SIDT1: variants seen among roughly 807,000 people sequenced by gnomAD.
SIDT1 encodes SID1 transmembrane family member 1.
SIDT1 carries 101 observed loss-of-function variants against 107.5 expected under a neutral mutation model. That is an observed-to-expected ratio of 0.94 (90% CI 0.80 to 1.11). The LOEUF is 1.11. SIDT1 is among the 50% of genes least tolerant of loss of function. The probability of loss-of-function intolerance (pLI) is 0.00; values close to 1 mark genes in which losing one functional copy is unlikely to be tolerated. For missense variants in SIDT1, 1,076 were observed against 1,058.2 expected, an observed-to-expected ratio of 1.02 and a Z score of -0.23; for synonymous variants, 395 against 398.2, an observed-to-expected ratio of 0.99 and a Z score of 0.10.
At chr3:113,580,888 T>C (rs116294533) in intron 5 of SIDT1, among the ~76,000 whole-genome samples, 179 bp downstream of exon 5, 107 of 152,244 alleles carry the variant, frequency 7.0e-4, no homozygotes, top group African/African-American at 2.6e-3. Context: ...AGACACTAAT[T>C]TGGAGTGGTA....
intron 10 of SIDT1, among the ~76,000 whole-genome samples, chr3:113,596,524 C>T (rs944336487): frequency 6.6e-6 from 1 of 152,180 alleles, no homozygotes; most frequent in Non-Finnish European, 1.5e-5. Context: ...CAAAGAGCTG[C>T]TCCAGGGGAC....
At chr3:113,606,041 C>T (rs899482070) in intron 14 of SIDT1, among the ~76,000 whole-genome samples, 23 of 144,336 alleles carry the variant, frequency 1.6e-4, no homozygotes, top group African/African-American at 5.9e-4. Context: ...AAAAAAAAAG[C>T]TTCATGAAAC....
At position 113,533,010 on chromosome 3, in the gene SIDT1, G is replaced by A. The variant is rs1246930639; in HGVS notation, c.-12G>A. 1 of 1,347,994 alleles carries A rather than the reference G, an allele frequency of 7.4e-7. No homozygotes were observed. The highest frequency in any genetic ancestry group is 9.5e-7 in the Non-Finnish European group (1 of 1,053,442). 83.5% of individuals were successfully genotyped at this position (1,347,994 alleles called of 1,614,324 possible). ...GGTGGCTCCGCTTTCGAGCCCGGGCGCGGTGCCCACCATGCGCGGCTGCCT... is the reference window on the plus strand; with the variant it reads ...GGTGGCTCCGCTTTCGAGCCCGGGCACGGTGCCCACCATGCGCGGCTGCCT... On this transcript the variant is annotated 5_prime_UTR_variant, in exon 1 of 25. Transcript: ENST00000264852.
chr3:113,623,624 TC>T lies in SIDT1; in HGVS notation c.2200del (p.Arg734AlafsTer19). ...CCGCATCTGCTTCTCCTCCCACAGCTCCGCAGCTCTGAAAAGGTCCTCCCAG... is the reference window on the plus strand; with the variant it reads ...CCGCATCTGCTTCTCCTCCCACAGCTCGCAGCTCTGAAAAGGTCCTCCCAG... Reference protein sequence around the residue: ...LYLAFYIIMKLRSSEKVLPVP... With the variant: ...LYLAFYIIMKXRSSEKVLPVP... On this transcript the variant is annotated frameshift_variant and splice_region_variant, in exon 23 of 25. Coordinates refer to ENST00000264852, the MANE Select transcript of SIDT1 (RefSeq NM_017699.3). LOFTEE classifies it high-confidence loss of function. The T allele has an allele frequency of 6.2e-7, 1 of 1,613,044 alleles. No individual in the cohort carries two copies. Among genetic ancestry groups the T allele is most frequent in the Non-Finnish European group, 8.5e-7 (1 of 1,179,070 alleles).
chr3:113,599,891 A>G (rs1165670853), intron 10 of SIDT1, among the ~76,000 whole-genome samples: 1 of 152,192 alleles, frequency 6.6e-6, no homozygotes, highest in African/African-American at 2.4e-5. Context: ...TGCTCTTATA[A>G]CAACAAAAAA....
At chr3:113,552,273 A>G (rs1049376890) in intron 1 of SIDT1, among the ~76,000 whole-genome samples, 5 of 152,126 alleles carry the variant, frequency 3.3e-5, no homozygotes, top group Non-Finnish European at 7.4e-5. Context: ...AGAGTCAGAC[A>G]ATGTTCCTCT....
chr3:113,584,525 T>A (rs1485686410), intron 7 of SIDT1, among the ~76,000 whole-genome samples, 173 bp from the exon 8 acceptor site: 2 of 152,204 alleles, frequency 1.3e-5, no homozygotes, highest in Non-Finnish European at 2.9e-5. Context: ...AAAAGGGATT[T>A]CTGATGGTTT....
At position 113,627,682 on chromosome 3, in the gene SIDT1, C is replaced by T. The variant is rs144938685; in HGVS notation, c.2458C>T (p.Arg820Trp). 25 of 1,613,806 alleles carry T rather than the reference C, an allele frequency of 1.5e-5. No homozygotes were observed. Among genetic ancestry groups the T allele is most frequent in the South Asian group, 5.5e-5 (5 of 91,052 alleles). The change falls in exon 25 of 25, where the codon CGG becomes TGG. Residue 820 changes from arginine to tryptophan, a missense_variant. Arg to Trp is a moderately radical substitution (Grantham distance 101, BLOSUM62 -3). Coordinates refer to ENST00000264852, the MANE Select transcript of SIDT1 (RefSeq NM_017699.3). ...LTLDDDLDVV[R>W]RDQIPVF is the part of the protein sequence containing the mutation. ...TTTGGATGATGACCTTGATGTGGTT[C>T]GGAGAGACCAGATCCCTGTCTTCTG...
chr3:113,588,338 A>T lies in SIDT1; in HGVS notation c.1001+3068A>T, dbSNP rs190420681. On this transcript the variant is annotated intron_variant, in intron 9 of 24. Coordinates refer to ENST00000264852, the MANE Select transcript of SIDT1 (RefSeq NM_017699.3). ...ATAGAAGAATAGACTGAGGAAAAAA[A>T]TGCTAATAGGAGAACTTTTCCTTCA... Among the ~76,000 whole-genome samples, 1,455 of 152,364 alleles carry T rather than the reference A, an allele frequency of 9.5e-3. 53 individuals are homozygous for T. The highest frequency in any genetic ancestry group is 6.8e-3 in the Non-Finnish European group (466 of 68,030).
chr3:113,608,406 T>C lies in SIDT1; in HGVS notation c.1603-13T>C. 6.3e-7 allele frequency: 1 copy of C among 1,590,540 alleles called. No individual in the cohort carries two copies. Among genetic ancestry groups the C allele is most frequent in the African/African-American group, 1.3e-5 (1 of 74,540 alleles). On this transcript the variant is annotated splice_polypyrimidine_tract_variant and intron_variant, in intron 16 of 24. Coordinates refer to ENST00000264852, the MANE Select transcript of SIDT1 (RefSeq NM_017699.3). ...TATTTAGTATCTATTGACCACCCTT[T>C]CTCCTTTTTCAGGAGTACGGGATTC...
chr3:113,550,516 T>G (rs1406845156), intron 1 of SIDT1, among the ~76,000 whole-genome samples: 2 of 152,186 alleles, frequency 1.3e-5, no homozygotes, highest in Admixed American at 1.3e-4. Context: ...TGTATTGATG[T>G]CATGTGCCAT....
chr3:113,553,686 C>G (rs991218690), intron 1 of SIDT1, among the ~76,000 whole-genome samples: 6 of 152,190 alleles, frequency 3.9e-5, no homozygotes, highest in Non-Finnish European at 1.5e-5. Context: ...CCAACCCAGG[C>G]TGTTGGCTGC....
At chr3:113,591,334 A>G (rs72952614) in intron 9 of SIDT1, among the ~76,000 whole-genome samples, 1 of 152,192 alleles carries the variant, frequency 6.6e-6, no homozygotes, top group South Asian at 2.1e-4. Context: ...CAGCAGCAGT[A>G]GGAAACTAAT....
Position 113,541,422 on chromosome 3 carries a change from G to A in SIDT1, c.222+8179G>A, listed in dbSNP as rs200414758. Among the ~76,000 whole-genome samples, 33 of 152,170 alleles carry A rather than the reference G, an allele frequency of 2.2e-4. No individual in the cohort carries two copies. The East Asian group carries it at 4.2e-3, about 20-fold the overall frequency. ...TGAGCACAAGTGATCCGCCCACCTC[G>A]GTCTTCCAAAGTGCTGAGATTACAG... On this transcript the variant is annotated intron_variant, in intron 1 of 24. Transcript: ENST00000264852.
At chr3:113,580,867 A>G (rs1031449536) in intron 5 of SIDT1, among the ~76,000 whole-genome samples, 158 bp downstream of exon 5, 1 of 152,224 alleles carries the variant, frequency 6.6e-6, no homozygotes, top group Admixed American at 6.5e-5. Flanking sequence ...GAGTGGGCAG[A>G]CTGTGTTTGC....
Position 113,623,474 on chromosome 3 carries a change from T to C in SIDT1, c.2138T>C (p.Met713Thr). 2 of 1,614,176 alleles carry C rather than the reference T, an allele frequency of 1.2e-6. No individual in the cohort carries two copies. Among genetic ancestry groups the C allele is most frequent in the Non-Finnish European group, 1.7e-6 (2 of 1,180,026 alleles). Residue 713 changes from methionine to threonine, a missense_variant, in exon 22 of 25, where the codon ATG becomes ACG. Met to Thr is a moderately conservative substitution (Grantham distance 81, BLOSUM62 -1). Coordinates refer to ENST00000264852, the MANE Select transcript of SIDT1 (RefSeq NM_017699.3). ...IYRPRDFASY[M>T]LGIFICNLLL... ...CGCCCCAGGGACTTTGCTTCCTACA[T>C]GCTGGGCATCTTCATCTGTAACCTT...
intron 7 of SIDT1, 94 bp downstream of exon 7, chr3:113,583,590 C>A: frequency 1.1e-6 from 1 of 871,004 alleles, no homozygotes; most frequent in Non-Finnish European, 1.7e-6. Context: ...TCCCACTAAA[C>A]AAGGGTTGGT....
chr3:113,593,218 T>C (rs1216917339), intron 10 of SIDT1, among the ~76,000 whole-genome samples, 170 bp downstream of exon 10: 1 of 152,180 alleles, frequency 6.6e-6, no homozygotes, highest in Non-Finnish European at 1.5e-5. Flanking sequence ...TGAAAACCAA[T>C]TCTATAGTTC....
chr3:113,558,894 A>G (rs964717065), intron 1 of SIDT1, among the ~76,000 whole-genome samples: 5 of 152,260 alleles, frequency 3.3e-5, no homozygotes, highest in African/African-American at 9.6e-5. Context: ...AAATAAAAAT[A>G]CTGTATTGTT....
Sources: allele counts gnomAD v4.1 joint callset (sites outside exome capture counted in the v4.1 genomes callset), GRCh38; gene constraint gnomAD v4.1.1; transcripts MANE v1.5; gene names NCBI Gene and HGNC (gene_info 2026-07-23, HGNC 2026-07-21).